PKNOX2: variants seen among roughly 807,000 people sequenced by gnomAD.
PKNOX2 encodes the protein homeobox protein PKNOX2.
In PKNOX2, 14 loss-of-function variants were observed where a neutral mutation model predicts 53.1. That is an observed-to-expected ratio of 0.26 (90% CI 0.17 to 0.41). The LOEUF (loss-of-function observed/expected upper bound fraction) is 0.41. Among genes scored for constraint, PKNOX2 ranks in the 10% least tolerant of loss-of-function variants. PKNOX2 has a pLI of 1.00. For synonymous variants in PKNOX2, 257 were observed against 242.8 expected, an observed-to-expected ratio of 1.06 and a Z score of -0.54; for missense variants, 496 against 602.8, an observed-to-expected ratio of 0.82 and a Z score of 1.85.
chr11:125,406,383 A>G (rs1293869603), intron 7 of PKNOX2, among the ~76,000 whole-genome samples: 1 of 152,236 alleles, frequency 6.6e-6, no homozygotes, highest in Admixed American at 6.5e-5. Flanking sequence ...ACAGGGAGAC[A>G]TGTAGCCAGG....
intron 3 of PKNOX2, among the ~76,000 whole-genome samples, chr11:125,333,971 T>C (rs1297761338): frequency 6.6e-6 from 1 of 152,114 alleles, no homozygotes; most frequent in African/African-American, 2.4e-5. Flanking sequence ...CTAACTGACA[T>C]ATATACTCTC....
At chr11:125,400,512 C>T (rs969268386) in intron 7 of PKNOX2, among the ~76,000 whole-genome samples, 4 of 152,188 alleles carry the variant, frequency 2.6e-5, no homozygotes, top group Non-Finnish European at 5.9e-5. Flanking sequence ...GCCCACCTGA[C>T]ATTCAAGGCC....
At chr11:125,265,262 G>A (rs1945231920) in intron 2 of PKNOX2, among the ~76,000 whole-genome samples, 1 of 151,384 alleles carries the variant, frequency 6.6e-6, no homozygotes, top group Non-Finnish European at 1.5e-5. Flanking sequence ...ACTCCACCCT[G>A]AGCAACAGAG....
At chr11:125,223,481 C>T (rs1347220738) in intron 1 of PKNOX2, among the ~76,000 whole-genome samples, 1 of 152,198 alleles carries the variant, frequency 6.6e-6, no homozygotes, top group Non-Finnish European at 1.5e-5. Context: ...TCACCTGCCT[C>T]GGCCTCCCAA....
rs1468902245 is a variant in PKNOX2, at chr11:125,422,779, G to T, written c.937-6233G>T. ...ATTCCCCAAGAAGCTTAAGACTCAG[G>T]TTAGGATAAAATGTCCCCATCATAG... On this transcript the variant is annotated intron_variant, in intron 10 of 12. Transcript: ENST00000298282. This position sits in a 1 kb window ranked among gnomAD's most constrained non-coding sequence, Gnocchi z 4.1. Among the ~76,000 whole-genome samples the T allele has an allele frequency of 1.3e-5, 2 of 152,104 alleles. No homozygotes were observed. The highest frequency in any genetic ancestry group is 4.8e-5 in the African/African-American group (2 of 41,396).
At chr11:125,347,805 GAACAAAACAA>G (rs200378292) in intron 3 of PKNOX2, among the ~76,000 whole-genome samples, 1 of 152,134 alleles carries the variant, frequency 6.6e-6, no homozygotes, top group Non-Finnish European at 1.5e-5. Flanking sequence ...TTTCAGCACT[GAACAAAACAA>G]AACAAAACAA....
intron 1 of PKNOX2, among the ~76,000 whole-genome samples, chr11:125,202,478 G>A (rs1938563334): frequency 6.6e-6 from 1 of 152,242 alleles, no homozygotes. Flanking sequence ...ACTGCCATGT[G>A]GGTGAAGTGT....
At chr11:125,231,007 A>G (rs73617583) in intron 1 of PKNOX2, among the ~76,000 whole-genome samples, 3,854 of 152,286 alleles carry the variant, frequency 0.025, 157 homozygotes, top group African/African-American at 0.087. Context: ...GGTTTGGGCA[A>G]TCTCAGAGAT....
chr11:125,328,491 A>G (rs986576726), intron 2 of PKNOX2, among the ~76,000 whole-genome samples: 10 of 151,046 alleles, frequency 6.6e-5, no homozygotes, highest in African/African-American at 2.5e-4. Flanking sequence ...ACTAAATTGA[A>G]GCAATTTGTA....
intron 1 of PKNOX2, among the ~76,000 whole-genome samples, chr11:125,181,749 G>A (rs940610246): frequency 3.9e-5 from 6 of 152,160 alleles, no homozygotes; most frequent in African/African-American, 9.7e-5. Flanking sequence ...TGGGAGATTC[G>A]GAGAAGATCC....
Position 125,416,230 on chromosome 11 carries a change from G to A in PKNOX2, c.936+4365G>A, listed in dbSNP as rs920390701. Among the ~76,000 whole-genome samples the A allele has an allele frequency of 4.7e-5, 7 of 148,596 alleles. No individual in the cohort carries two copies. The East Asian group carries it at 1.4e-3, about 29-fold the overall frequency. On this transcript the variant is annotated intron_variant, in intron 10 of 12. Transcript: ENST00000298282. ...AGGCAGGAGAATGGCGTGAACCCGG[G>A]AGGCGGAGCTTGCAGTGAGCCGAGA... is the stretch of plus-strand genomic sequence containing the variant.
At chr11:125,339,497 C>T (rs1454995684) in intron 3 of PKNOX2, among the ~76,000 whole-genome samples, 1 of 152,230 alleles carries the variant, frequency 6.6e-6, no homozygotes, top group Non-Finnish European at 1.5e-5. Context: ...AGATTTCATT[C>T]CAGAACAGGG....
At chr11:125,198,871 A>G (rs1591478246) in intron 1 of PKNOX2, among the ~76,000 whole-genome samples, 1 of 131,536 alleles carries the variant, frequency 7.6e-6, no homozygotes, top group Non-Finnish European at 1.6e-5. Flanking sequence ...ACAGAGTATC[A>G]CTCTTGTTTC....
chr11:125,254,447 C>T (rs1944256844), intron 2 of PKNOX2, among the ~76,000 whole-genome samples: 1 of 152,250 alleles, frequency 6.6e-6, no homozygotes, highest in African/African-American at 2.4e-5. Context: ...AATGCAGTCC[C>T]AGGTCTGAGC....
chr11:125,387,086 A>C (rs745544330), intron 6 of PKNOX2, among the ~76,000 whole-genome samples: 161 of 152,276 alleles, frequency 1.1e-3, no homozygotes, highest in Non-Finnish European at 1.7e-3. Flanking sequence ...ATTGTCTCTC[A>C]GGTCCCATGG....
chr11:125,331,791 C>A (rs1414881117), intron 2 of PKNOX2, 28 bp from the exon 3 acceptor site: 1 of 152,338 alleles, frequency 6.6e-6, no homozygotes, highest in African/African-American at 2.4e-5. Context: ...GCCTTCCCTG[C>A]TGAGAGCTGC....
intron 2 of PKNOX2, among the ~76,000 whole-genome samples, chr11:125,261,630 C>G (rs1944849329): frequency 6.6e-6 from 1 of 152,138 alleles, no homozygotes; most frequent in Non-Finnish European, 1.5e-5. Flanking sequence ...ACCTCATTGG[C>G]CAGAAGCAGG....
intron 2 of PKNOX2, among the ~76,000 whole-genome samples, chr11:125,263,948 C>T (rs12788355): frequency 0.28 from 41,951 of 152,004 alleles, 6,404 homozygotes; most frequent in Non-Finnish European, 0.35. Flanking sequence ...CTTCCTTCTC[C>T]GCACCCTTCC....
At chr11:125,376,588 C>G (rs907883460) in intron 5 of PKNOX2, among the ~76,000 whole-genome samples, 1 of 152,198 alleles carries the variant, frequency 6.6e-6, no homozygotes, top group Non-Finnish European at 1.5e-5. Context: ...TGTTCCAAGT[C>G]CCCCTAGTAT....
Sources: gnomAD v4.1 joint callset for allele counts (sites outside exome capture counted in the v4.1 genomes callset) on GRCh38, gnomAD v4.1.1 for gene constraint, Gnocchi (gnomAD v3.1) non-coding constraint, MANE v1.5 for transcripts, NCBI Gene and HGNC (gene_info 2026-07-23, HGNC 2026-07-21) for gene names.